Variants in RTKN2 observed in about 807,000 individuals in gnomAD.
The protein encoded by RTKN2 is rhotekin 2.
RTKN2 carries 69 observed loss-of-function variants against 71.5 expected under a neutral mutation model. The observed-to-expected ratio is 0.96, with a 90% CI of 0.79 to 1.18. The LOEUF (loss-of-function observed/expected upper bound fraction) is 1.18, where lower values mean the gene tolerates loss of function less well. RTKN2 is among the 50% of genes most tolerant of loss of function. The probability of loss-of-function intolerance (pLI) is 0.00; values close to 1 mark genes in which losing one functional copy is unlikely to be tolerated. For missense variants in RTKN2, 724 were observed against 719.7 expected, an observed-to-expected ratio of 1.01 and a Z score of -0.07; for synonymous variants, 236 against 236.5, an observed-to-expected ratio of 1.00 and a Z score of 0.02.
intron 9 of RTKN2, among the ~76,000 whole-genome samples, chr10:62,210,871 T>C (rs1841645661): frequency 6.6e-6 from 1 of 152,122 alleles, no homozygotes; most frequent in Non-Finnish European, 1.5e-5. Flanking sequence ...ATAGTTGATA[T>C]GATTAGATAT....
At chr10:62,255,386 A>T (rs1000182861) in intron 2 of RTKN2, among the ~76,000 whole-genome samples, 6 of 152,192 alleles carry the variant, frequency 3.9e-5, no homozygotes, top group African/African-American at 1.2e-4. Flanking sequence ...GACTCTAGGC[A>T]TGGGGCAGGG....
At chr10:62,187,995 C>G (rs1321500018) in intron 8 of RTKN2, among the ~76,000 whole-genome samples, 1 of 152,206 alleles carries the variant, frequency 6.6e-6, no homozygotes, top group Non-Finnish European at 1.5e-5. Flanking sequence ...TCTCAGTAAT[C>G]CCTAACCATA....
At chr10:62,235,006 AG>A (rs2132971379) in intron 6 of RTKN2, among the ~76,000 whole-genome samples, 1 of 152,242 alleles carries the variant, frequency 6.6e-6, no homozygotes, top group South Asian at 2.1e-4. Flanking sequence ...TCTAACTGCG[AG>A]GTTATAGGAA....
intron 2 of RTKN2, among the ~76,000 whole-genome samples, chr10:62,260,848 T>C (rs1842759521): frequency 6.6e-6 from 1 of 152,224 alleles, no homozygotes; most frequent in African/African-American, 2.4e-5. Flanking sequence ...CATAATATAA[T>C]GTTTAGTCCC....
Position 62,245,598 on chromosome 10 carries a change from A to G in RTKN2, c.316+401T>C, listed in dbSNP as rs540839982. On this transcript the variant is annotated intron_variant, in intron 3 of 11. Transcript: ENST00000373789. ...GTGTAAAGTGATGACCAAAATAAAC[A>G]TGGTACCAAAACCTCATGGAACTTC... is the stretch of plus-strand genomic sequence containing the variant. Among the ~76,000 whole-genome samples the G allele has an allele frequency of 3.1e-3, 469 of 152,232 alleles. 3 individuals carry two copies. The highest frequency in any genetic ancestry group is 0.011 in the African/African-American group (446 of 41,556).
At chr10:62,262,179 G>C (rs1842786279) in intron 2 of RTKN2, among the ~76,000 whole-genome samples, 1 of 152,086 alleles carries the variant, frequency 6.6e-6, no homozygotes, top group Admixed American at 6.5e-5. Context: ...TCAAGAGATG[G>C]GCTAGCAGAT....
rs773870609 is a variant in RTKN2 at position 62,262,617 on chromosome 10, T to C, written c.257+8A>G. ...CATTAAAAGCCACAGGTAAACTATG[T>C]TACTAACCATCTTCCAGTCTGATTT... On this transcript the variant is annotated splice_region_variant and intron_variant, in intron 2 of 11. Coordinates refer to ENST00000373789, the MANE Select transcript of RTKN2 (RefSeq NM_145307.4). 1 of 1,578,370 alleles carries C rather than the reference T, an allele frequency of 6.3e-7. No individual in the cohort carries two copies. The highest frequency in any genetic ancestry group is 8.7e-7 in the Non-Finnish European group (1 of 1,153,964).
Position 62,217,216 on chromosome 10 carries a change from A to G in RTKN2, c.922T>C (p.Leu308=), listed in dbSNP as rs1241171617. The part of the protein sequence containing the change: ...MVEGLISWRR[L]YCVLRGGKLY... ...TTACCTCCTCGCAAAACACAATACAACCTTCTCCAACTAATCAGACCTTCT... is the reference window on the plus strand; with the variant it reads ...TTACCTCCTCGCAAAACACAATACAGCCTTCTCCAACTAATCAGACCTTCT... The change falls in exon 9 of 12, where the codon TTG becomes CTG. Residue 308 remains leucine (L), a synonymous_variant. Transcript: ENST00000373789. 18 of 1,592,738 alleles carry G rather than the reference A, an allele frequency of 1.1e-5. No homozygotes were observed. Among genetic ancestry groups the G allele is most frequent in the Non-Finnish European group, 1.5e-5 (17 of 1,170,036 alleles).
rs184836082 is a variant in RTKN2, at chr10:62,244,389, G to A, written c.316+1610C>T. Among the ~76,000 whole-genome samples the A allele has an allele frequency of 2.5e-4, 38 of 152,232 alleles. No homozygotes were observed. In the East Asian group the frequency reaches 6.9e-3, roughly 28 times the overall value. ...TTTACACTTGAGTAATTGTGGGCAG[G>A]AAATAGTTTTTTATTTTATTTTAAA... On this transcript the variant is annotated intron_variant, in intron 3 of 11. Transcript: ENST00000373789.
At chr10:62,187,618 T>C (rs914176424) in intron 8 of RTKN2, among the ~76,000 whole-genome samples, 1 of 152,246 alleles carries the variant, frequency 6.6e-6, no homozygotes, top group African/African-American at 2.4e-5. Context: ...CCTGGATATA[T>C]GTGAACCACT....
At chr10:62,248,914 G>A (rs1022915754) in intron 2 of RTKN2, among the ~76,000 whole-genome samples, 3 of 151,960 alleles carry the variant, frequency 2.0e-5, no homozygotes, top group Admixed American at 6.6e-5. Flanking sequence ...ATTCTAAATG[G>A]GAGTCTATTA....
rs1334683612 is a variant in RTKN2 at position 62,204,990 on chromosome 10, G to A, written c.1053C>T (p.Ala351=). The A allele has an allele frequency of 6.3e-7, 1 of 1,597,570 alleles. No homozygotes were observed. The highest frequency in any genetic ancestry group is 1.4e-5 in the African/African-American group (1 of 73,812). The change falls in exon 10 of 12, where the codon GCC becomes GCT. Residue 351 remains alanine (A), a synonymous_variant. Transcript: ENST00000373789. ...CAGAGAAATTATGGATTCTTTTCTT[G>A]GCATCCTTATCCATTGCCCGGATTC... ...ETRIRAMDKD[A]KKRIHNFSVI... is the part of the protein sequence containing the mutation.
chr10:62,241,823 C>T (rs1378809222), intron 3 of RTKN2, among the ~76,000 whole-genome samples: 1 of 152,086 alleles, frequency 6.6e-6, no homozygotes, highest in Non-Finnish European at 1.5e-5. Flanking sequence ...CTCAGCCTCC[C>T]GAGTAGCTGG....
At chr10:62,202,461 G>A (rs1841463803) in intron 10 of RTKN2, among the ~76,000 whole-genome samples, 1 of 152,158 alleles carries the variant, frequency 6.6e-6, no homozygotes, top group South Asian at 2.1e-4. Context: ...CACTAGGAAA[G>A]TTAAAATTTT....
chr10:62,223,162 C>A, intron 7 of RTKN2, 76 bp downstream of exon 7: 2 of 764,778 alleles, frequency 2.6e-6, no homozygotes, highest in Non-Finnish European at 4.4e-6. Flanking sequence ...AAGCCGATAT[C>A]CACTTGAGGG....
intron 5 of RTKN2, among the ~76,000 whole-genome samples, 175 bp from the exon 6 acceptor site, chr10:62,236,438 C>T (rs554091701): frequency 6.6e-6 from 1 of 152,078 alleles, no homozygotes; most frequent in East Asian, 1.9e-4. Flanking sequence ...ATCAAAAAGG[C>T]ATGAGATAAA....
At chr10:62,216,989 T>C in intron 9 of RTKN2, 129 bp downstream of exon 9, 1 of 550,726 alleles carries the variant, frequency 1.8e-6, no homozygotes, top group South Asian at 5.2e-5. Flanking sequence ...GATTAAATCA[T>C]ATTTATGAAG....
At chr10:62,231,344 T>C (rs1842144603) in intron 6 of RTKN2, among the ~76,000 whole-genome samples, 1 of 152,180 alleles carries the variant, frequency 6.6e-6, no homozygotes, top group South Asian at 2.1e-4. Flanking sequence ...GGAATTTTAG[T>C]AAGCTAAATT....
At chr10:62,209,789 A>G (rs1423026361) in intron 9 of RTKN2, among the ~76,000 whole-genome samples, 2 of 152,188 alleles carry the variant, frequency 1.3e-5, no homozygotes, top group Non-Finnish European at 2.9e-5. Flanking sequence ...TGCAAAGGAC[A>G]TGATCTAGTT....
Sources: allele counts gnomAD v4.1 joint callset (sites outside exome capture counted in the v4.1 genomes callset), GRCh38; gene constraint gnomAD v4.1.1; transcripts MANE v1.5; gene names NCBI Gene and HGNC (gene_info 2026-07-23, HGNC 2026-07-21).